Variants in CHRNA7 observed in about 807,000 individuals in gnomAD.
The protein encoded by CHRNA7 is neuronal acetylcholine receptor subunit alpha-7.
A neutral mutation model predicts 48.0 loss-of-function variants in CHRNA7; 17 were observed. The ratio of observed to expected loss-of-function variants is 0.35; its 90% confidence interval spans 0.24 to 0.53. The LOEUF (loss-of-function observed/expected upper bound fraction) is 0.53, where lower values mean the gene tolerates loss of function less well. CHRNA7 is among the 20% of genes least tolerant of loss of function. The pLI, the probability that CHRNA7 is intolerant of heterozygous loss-of-function variation, is 0.92. For synonymous variants in CHRNA7, 75 were observed against 242.3 expected (o/e 0.31, Z 6.41); for missense variants, 155 against 577.7 (o/e 0.27, Z 7.50).
At chr15:32,119,641 A>G (rs34969886) in intron 4 of CHRNA7, among the ~76,000 whole-genome samples, 2 of 152,160 alleles carry the variant, frequency 1.3e-5, no homozygotes, top group African/African-American at 4.8e-5. Context: ...TTTAAAAAAA[A>G]ATATTTATTC....
chr15:32,166,326 G>A (rs1458994480), intron 9 of CHRNA7: 19 of 152,358 alleles, frequency 1.2e-4, no homozygotes, highest in African/African-American at 3.9e-4. Context: ...GTTTCACCTG[G>A]GGCCATATGT....
intron 2 of CHRNA7, among the ~76,000 whole-genome samples, chr15:32,062,966 C>T (rs542535302): frequency 1.3e-5 from 2 of 152,256 alleles, no homozygotes; most frequent in African/African-American, 4.8e-5. Context: ...TAAACCTGTA[C>T]AGCATGGTGC....
intron 2 of CHRNA7, among the ~76,000 whole-genome samples, chr15:32,054,903 C>T (rs751740600): frequency 1.3e-5 from 2 of 152,204 alleles, no homozygotes; most frequent in Non-Finnish European, 2.9e-5. Context: ...CTGATACAGA[C>T]GTAAAAGTAG....
intron 4 of CHRNA7, among the ~76,000 whole-genome samples, chr15:32,140,188 T>C (rs1245048465): frequency 6.6e-6 from 1 of 151,874 alleles, no homozygotes; most frequent in East Asian, 1.9e-4. Context: ...TTTTCTGTCC[T>C]TGTGATAGTT....
intron 2 of CHRNA7, among the ~76,000 whole-genome samples, chr15:32,086,777 A>G (rs913460111): frequency 1.3e-5 from 2 of 152,056 alleles, no homozygotes; most frequent in African/African-American, 2.4e-5. Flanking sequence ...ATGTCTCTTC[A>G]TTGGGATTTG....
intron 2 of CHRNA7, among the ~76,000 whole-genome samples, chr15:32,089,964 A>G (rs1056558102): frequency 2.0e-5 from 3 of 152,178 alleles, no homozygotes; most frequent in South Asian, 4.1e-4. Flanking sequence ...ACTCTTTCTC[A>G]GAGAATCTAC....
At chr15:32,060,311 T>A (rs1368820434) in intron 2 of CHRNA7, among the ~76,000 whole-genome samples, 1 of 152,212 alleles carries the variant, frequency 6.6e-6, no homozygotes, top group Admixed American at 6.5e-5. Flanking sequence ...ATATCATCTA[T>A]TTATATGTAT....
At position 32,090,770 on chromosome 15, in the gene CHRNA7, G is replaced by A. The variant is rs184687488; in HGVS notation, c.196-10533G>A. 6.8e-3 allele frequency among the ~76,000 whole-genome samples: 1,039 copies of A among 152,184 alleles called. 7 individuals carry two copies. The highest frequency in any genetic ancestry group is 0.011 in the Admixed American group (164 of 15,296). On this transcript the variant is annotated intron_variant, in intron 2 of 9. Coordinates refer to ENST00000306901, the MANE Select transcript of CHRNA7 (RefSeq NM_000746.6). ...TTTGATTTATACTTATATTTTTGAG[G>A]AACTCATACTTCCTTAATCTGAGGA...
intron 4 of CHRNA7, among the ~76,000 whole-genome samples, chr15:32,141,019 T>C (rs1316178246): frequency 6.6e-6 from 1 of 152,214 alleles, no homozygotes; most frequent in African/African-American, 2.4e-5. Context: ...TGAATGGTAT[T>C]GCCTAGGTTT....
intron 2 of CHRNA7, among the ~76,000 whole-genome samples, chr15:32,069,652 AC>A (rs2050022556): frequency 6.6e-6 from 1 of 152,222 alleles, no homozygotes; most frequent in Non-Finnish European, 1.5e-5. Context: ...ATCTCAGAAA[AC>A]AAAAACAAAA....
chr15:32,149,801 T>C lies in CHRNA7; in HGVS notation c.351-4106T>C, dbSNP rs146178351. ...ACAGTTTTTTTATCTTGTTTTTACC[T>C]GTTTGCCTTGTGATCTCAAGAGTCT... On this transcript the variant is annotated intron_variant, in intron 4 of 9. Transcript: ENST00000306901. The surrounding 1 kb of genome is among the most constrained non-coding windows in gnomAD (Gnocchi z 4.6). Among the ~76,000 whole-genome samples, 663 of 152,196 alleles carry C rather than the reference T, an allele frequency of 4.4e-3. 4 individuals are homozygous for C. Among genetic ancestry groups the C allele is most frequent in the African/African-American group, 0.015 (635 of 41,544 alleles).
chr15:32,099,617 A>G (rs1251024246), intron 2 of CHRNA7: 2 of 152,216 alleles, frequency 1.3e-5, no homozygotes, highest in African/African-American at 4.8e-5. Flanking sequence ...AAAAGAAGGA[A>G]AGGCACCTAA....
At chr15:32,151,853 G>T (rs894116000) in intron 4 of CHRNA7, among the ~76,000 whole-genome samples, 3 of 152,006 alleles carry the variant, frequency 2.0e-5, no homozygotes, top group African/African-American at 4.8e-5. Flanking sequence ...ACTGTCCTCC[G>T]GTATCTGTGA....
chr15:32,131,040 T>G (rs1237156542), intron 4 of CHRNA7, among the ~76,000 whole-genome samples: 4 of 152,096 alleles, frequency 2.6e-5, no homozygotes, highest in Non-Finnish European at 4.4e-5. Flanking sequence ...TCATTTAAAT[T>G]TGTTGTTGTT....
At chr15:32,042,208 T>G (rs929787419) in intron 2 of CHRNA7, among the ~76,000 whole-genome samples, 1 of 152,202 alleles carries the variant, frequency 6.6e-6, no homozygotes, top group African/African-American at 2.4e-5. Context: ...TTAGTGAGCC[T>G]TTCCCTCTGG....
chr15:32,071,199 A>C (rs572152353), intron 2 of CHRNA7, among the ~76,000 whole-genome samples: 1 of 152,098 alleles, frequency 6.6e-6, no homozygotes, highest in South Asian at 2.1e-4. Context: ...TAAATCTTCA[A>C]ATCTGGTGGG....
chr15:32,073,624 G>C (rs1287701367), intron 2 of CHRNA7, among the ~76,000 whole-genome samples: 1 of 152,162 alleles, frequency 6.6e-6, no homozygotes, highest in Non-Finnish European at 1.5e-5. Flanking sequence ...ATTGGAGGCA[G>C]GGGCTGGTGG....
chr15:32,132,214 A>C (rs2051168734), intron 4 of CHRNA7, among the ~76,000 whole-genome samples: 1 of 152,074 alleles, frequency 6.6e-6, no homozygotes, highest in African/African-American at 2.4e-5. Context: ...TCTCCTGACC[A>C]TTTGGCGAGA....
intron 4 of CHRNA7, chr15:32,112,463 G>A: frequency 2.5e-6 from 1 of 406,628 alleles, no homozygotes; most frequent in Non-Finnish European, 5.0e-6. Context: ...CAGGAAATAA[G>A]GGACACGTCG....
Sources: allele counts gnomAD v4.1 joint callset (sites outside exome capture counted in the v4.1 genomes callset), GRCh38; gene constraint gnomAD v4.1.1; non-coding constraint Gnocchi (gnomAD v3.1); transcripts MANE v1.5; gene names NCBI Gene and HGNC (gene_info 2026-07-23, HGNC 2026-07-21).